The following FKBP9 variants were observed in gnomAD, a reference collection of about 807,000 sequenced individuals.
FKBP9 encodes peptidyl-prolyl cis-trans isomerase FKBP9.
A neutral mutation model predicts 55.6 loss-of-function variants in FKBP9; 27 were observed. The ratio of observed to expected loss-of-function variants is 0.49; its 90% confidence interval spans 0.36 to 0.67. FKBP9 has a LOEUF of 0.67. FKBP9 is among the 30% of genes least tolerant of loss of function. The pLI is 0.00. For synonymous variants in FKBP9, 267 were observed against 296.5 expected, an observed-to-expected ratio of 0.90 and a Z score of 1.02; for missense variants, 539 against 742.8, an observed-to-expected ratio of 0.73 and a Z score of 3.19.
At chr7:32,992,082 G>T (rs911983473) in intron 6 of FKBP9, among the ~76,000 whole-genome samples, 1 of 152,096 alleles carries the variant, frequency 6.6e-6, no homozygotes, top group Non-Finnish European at 1.5e-5. Flanking sequence ...TGACCCATAT[G>T]TGTCCTAGAC....
chr7:32,967,380 A>G (rs1290999108), intron 1 of FKBP9, among the ~76,000 whole-genome samples: 1 of 152,110 alleles, frequency 6.6e-6, no homozygotes, highest in Non-Finnish European at 1.5e-5. Flanking sequence ...ACTTCTCTGC[A>G]TTTTTCCTTC....
chr7:32,989,567 C>T (rs2127986124), intron 6 of FKBP9, among the ~76,000 whole-genome samples: 1 of 152,070 alleles, frequency 6.6e-6, no homozygotes, highest in South Asian at 2.1e-4. Flanking sequence ...AGGCATGTGC[C>T]ACCACGCCTG....
intron 1 of FKBP9, among the ~76,000 whole-genome samples, chr7:32,965,866 T>TGTGTATAC (rs1554284360): frequency 1.0e-5 from 1 of 97,520 alleles, no homozygotes; most frequent in African/African-American, 4.8e-5. Context: ...TATATATATA[T>TGTGTATAC]ACATACATAT....
chr7:32,984,742 T>C (rs1784543001), intron 5 of FKBP9, among the ~76,000 whole-genome samples: 1 of 152,272 alleles, frequency 6.6e-6, no homozygotes, highest in Non-Finnish European at 1.5e-5. Context: ...CTGGAATTTA[T>C]TGTGGTATCA....
intron 9 of FKBP9, among the ~76,000 whole-genome samples, chr7:33,003,870 A>C (rs1348895009): frequency 1.3e-5 from 2 of 152,014 alleles, no homozygotes; most frequent in African/African-American, 4.8e-5. Flanking sequence ...CCATATCCTG[A>C]TGGCGTCTGG....
chr7:32,969,949 G>C (rs1389538452), intron 1 of FKBP9, among the ~76,000 whole-genome samples: 1 of 151,906 alleles, frequency 6.6e-6, no homozygotes. Flanking sequence ...GCAGTGAGCC[G>C]AGATTGCACC....
chr7:32,991,478 G>T (rs1784681096), intron 6 of FKBP9, among the ~76,000 whole-genome samples: 1 of 152,222 alleles, frequency 6.6e-6, no homozygotes, highest in South Asian at 2.1e-4. Context: ...GACCCGAGAG[G>T]GGTCAGGATG....
Position 32,993,052 on chromosome 7 carries a change from C to T in FKBP9, c.1040-3111C>T, listed in dbSNP as rs1583865846. 1.7e-5 allele frequency: 4 copies of T among 232,328 alleles called. No individual in the cohort carries two copies. In the East Asian group the frequency reaches 2.4e-4, roughly 14 times the overall value. 14.4% of individuals were successfully genotyped at this position (232,328 alleles called of 1,614,324 possible). A position where few individuals can be genotyped will look rare whatever the true frequency, so the allele number is the denominator to read the frequency against. ...CTGAGAGGCTGAGTTCATTTGACTG[C>T]TGACATCAGATCCCAGGGATGTGGG... On this transcript the variant is annotated intron_variant, in intron 6 of 9. Coordinates refer to ENST00000242209, the MANE Select transcript of FKBP9 (RefSeq NM_007270.5).
At chr7:32,982,463 C>G (rs2127983753) in intron 5 of FKBP9, among the ~76,000 whole-genome samples, 1 of 152,168 alleles carries the variant, frequency 6.6e-6, no homozygotes, top group South Asian at 2.1e-4. Flanking sequence ...GGGATTTTTC[C>G]ATACTAATAC....
In FKBP9 at chr7:32,957,775, G is replaced by A. The variant is rs776475704; in HGVS notation, c.202G>A (p.Gly68Ser). ...RYHYVGTFPD[G>S]QKFDSSYDRD... Reference sequence around the variant, plus strand: ...CCACTACGTGGGGACGTTCCCCGACGGCCAGAAGTTCGACTCCAGGTACCG... The same window carrying A: ...CCACTACGTGGGGACGTTCCCCGACAGCCAGAAGTTCGACTCCAGGTACCG... Residue 68 changes from glycine (G) to serine (S), a missense_variant, in exon 1 of 10, where the codon GGC becomes AGC. Physicochemically the swap from Gly to Ser is moderately conservative, Grantham distance 56 (BLOSUM62 0). This residue lies in a region of FKBP9 where 236 missense variants were observed against 271.5 expected (regional missense o/e 0.87). Transcript: ENST00000242209. 6 of 1,458,096 alleles carry A rather than the reference G, an allele frequency of 4.1e-6. No homozygotes were observed. Among genetic ancestry groups the A allele is most frequent in the Non-Finnish European group, 4.5e-6 (5 of 1,106,960 alleles). 90.3% of individuals were successfully genotyped at this position (1,458,096 alleles called of 1,614,324 possible). A position where few individuals can be genotyped will look rare whatever the true frequency, so the allele number is the denominator to read the frequency against.
Position 32,980,378 on chromosome 7 carries a change from G to A in FKBP9, c.718G>A (p.Gly240Ser), listed in dbSNP as rs369631041. ...TTCCATTCTAGGGAAAGACATTCCC[G>A]GTCAGGCATCTCTGGTGTTTGATGT... The part of the protein sequence containing the change: ...GEDGDGKDIP[G>S]QASLVFDVAL... The change falls in exon 5 of 10, where the codon GGT (glycine) becomes AGT (serine). Residue 240 changes from glycine to serine, a missense_variant. Physicochemically the swap from Gly to Ser is moderately conservative, Grantham distance 56 (BLOSUM62 0). Transcript: ENST00000242209. 60 of 1,611,040 alleles carry A rather than the reference G, an allele frequency of 3.7e-5. No homozygotes were observed. Among genetic ancestry groups the A allele is most frequent in the Middle Eastern group, 1.7e-4 (1 of 6,044 alleles).
intron 1 of FKBP9, among the ~76,000 whole-genome samples, chr7:32,967,857 T>C (rs918870149): frequency 6.6e-5 from 10 of 151,936 alleles, no homozygotes; most frequent in African/African-American, 2.4e-4. Flanking sequence ...CAGGTTCAAG[T>C]GATTCTCCTG....
At chr7:32,960,355 T>G (rs1235012790) in intron 1 of FKBP9, among the ~76,000 whole-genome samples, 2 of 152,084 alleles carry the variant, frequency 1.3e-5, no homozygotes, top group African/African-American at 4.8e-5. Flanking sequence ...CCTCAGGTGA[T>G]CTGCCCACCT....
intron 6 of FKBP9, 64 bp from the exon 7 acceptor site, chr7:32,996,099 T>C (rs973384654): frequency 2.7e-5 from 40 of 1,498,912 alleles, no homozygotes; most frequent in Non-Finnish European, 3.6e-5. Context: ...CTGGTGACAC[T>C]GGGGAGGCCC....
At chr7:32,973,047 G>A (rs1780944801) in intron 1 of FKBP9, among the ~76,000 whole-genome samples, 1 of 152,084 alleles carries the variant, frequency 6.6e-6, no homozygotes, top group Non-Finnish European at 1.5e-5. Flanking sequence ...TACTCTTATT[G>A]TATATATCCC....
At chr7:33,004,095 T>C (rs978777927) in intron 9 of FKBP9, among the ~76,000 whole-genome samples, 5 of 152,092 alleles carry the variant, frequency 3.3e-5, no homozygotes, top group Admixed American at 1.3e-4. Context: ...TCTCTTTCTC[T>C]CGTAGGCCGT....
In FKBP9 at chr7:32,978,351, C is replaced by A. The variant is rs565272011; in HGVS notation, c.703+1852C>A. 1.3e-5 allele frequency among the ~76,000 whole-genome samples: 2 copies of A among 152,100 alleles called. 1 individual carries two copies. Among genetic ancestry groups the A allele is most frequent in the Middle Eastern group, 6.8e-3 (2 of 294 alleles). ...CATAAATATGTCTTAATTCTCCCCC[C>A]CACTGAGATATAAGATACTGTTATT... On this transcript the variant is annotated intron_variant, in intron 4 of 9. Transcript: ENST00000242209.
chr7:32,970,906 G>A (rs1784239027), intron 1 of FKBP9, among the ~76,000 whole-genome samples: 1 of 150,458 alleles, frequency 6.6e-6, no homozygotes, highest in African/African-American at 2.5e-5. Flanking sequence ...CTAGCTAGGA[G>A]TTCCAGGACC....
At chr7:33,003,845 G>A (rs960429765) in intron 9 of FKBP9, among the ~76,000 whole-genome samples, 9 of 152,136 alleles carry the variant, frequency 5.9e-5, no homozygotes, top group African/African-American at 2.2e-4. Context: ...CACTCGCTCA[G>A]TGGTCTTATC....
Sources: gnomAD v4.1 joint callset for allele counts (sites outside exome capture counted in the v4.1 genomes callset) on GRCh38, gnomAD v4.1.1 for gene constraint, gnomAD v4.1.1 regional missense constraint, MANE v1.5 for transcripts, NCBI Gene and HGNC (gene_info 2026-07-23, HGNC 2026-07-21) for gene names.